The following FHIP1A variants were observed in gnomAD, a reference collection of about 807,000 sequenced individuals.
The protein encoded by FHIP1A is FHF complex subunit HOOK-interacting protein 1A.
In FHIP1A, 61 loss-of-function variants were observed where a neutral mutation model predicts 88.6. The observed-to-expected ratio is 0.69, with a 90% CI of 0.56 to 0.85. The LOEUF (loss-of-function observed/expected upper bound fraction) is 0.85, where lower values mean the gene tolerates loss of function less well. Among genes scored for constraint, FHIP1A ranks in the 40% least tolerant of loss-of-function variants. The probability of loss-of-function intolerance (pLI) is 0.00; values close to 1 mark genes in which losing one functional copy is unlikely to be tolerated. For synonymous variants in FHIP1A, 478 were observed against 496.0 expected (o/e 0.96, Z 0.48); for missense variants, 1,154 against 1,273.5 (o/e 0.91, Z 1.43).
At chr4:151,481,985 A>T (rs146545142) in intron 2 of FHIP1A, among the ~76,000 whole-genome samples, 1 of 152,244 alleles carries the variant, frequency 6.6e-6, no homozygotes, top group East Asian at 1.9e-4. Flanking sequence ...GTTAGGCCTG[A>T]TGATAGGAGA....
chr4:151,442,205 AG>A (rs1254414592), intron 1 of FHIP1A, among the ~76,000 whole-genome samples: 2 of 152,254 alleles, frequency 1.3e-5, no homozygotes, highest in African/African-American at 4.8e-5. Context: ...TGATTGGTGC[AG>A]GGGAAGGCAG....
chr4:151,670,500 C>CTTA (rs1475198719), exon 14 of FHIP1A: 1 of 152,030 alleles, frequency 6.6e-6, no homozygotes, highest in East Asian at 1.9e-4. Flanking sequence ...TATTGGAAAA[C>CTTA]TTATTTTTTT....
At chr4:151,489,794 C>T (rs753879354) in intron 3 of FHIP1A, among the ~76,000 whole-genome samples, 5 of 152,110 alleles carry the variant, frequency 3.3e-5, no homozygotes, top group Non-Finnish European at 7.4e-5. Context: ...CCTCCATCCT[C>T]CTCAGTGGCC....
chr4:151,416,791 C>CT (rs1321178366), intron 1 of FHIP1A, among the ~76,000 whole-genome samples: 10 of 147,936 alleles, frequency 6.8e-5, no homozygotes, highest in East Asian at 2.0e-4. Flanking sequence ...ATGTATTATC[C>CT]TTTTTTTTTT....
At chr4:151,516,364 G>A (rs1731236315) in intron 3 of FHIP1A, among the ~76,000 whole-genome samples, 1 of 151,890 alleles carries the variant, frequency 6.6e-6, no homozygotes, top group South Asian at 2.1e-4. Flanking sequence ...GAAAACCTAG[G>A]CATTACCATT....
rs114496195 is a variant in FHIP1A, at chr4:151,622,972, G to A, written c.979-6730G>A. Among the ~76,000 whole-genome samples the A allele has an allele frequency of 4.0e-3, 605 of 152,240 alleles. 6 individuals are homozygous for A. The highest frequency in any genetic ancestry group is 0.014 in the African/African-American group (565 of 41,502). The stretch of plus-strand genomic sequence containing the variant: ...AATGAAGCTGTAGGGTACAAGTTAT[G>A]CACACATAGTATAGGAAAGGAGGCT... On this transcript the variant is annotated intron_variant, in intron 7 of 13. Coordinates refer to ENST00000435205, the MANE Select transcript of FHIP1A (RefSeq NM_001109977.3).
Position 151,656,651 on chromosome 4 carries a change from TA to T in FHIP1A, c.2731-107del. On this transcript the variant is annotated intron_variant, in intron 12 of 13. Transcript: ENST00000435205. The surrounding 1 kb of genome is among the most constrained non-coding windows in gnomAD (Gnocchi z 4.2). ...AGGCAGTTAAAAATGAACAAATGTC[TA>T]ACATCATAATAGTTCCCATAATGAG... 8.0e-7 allele frequency: 1 copy of T among 1,243,266 alleles called. No homozygotes were observed. Among genetic ancestry groups the T allele is most frequent in the Non-Finnish European group, 1.1e-6 (1 of 900,148 alleles). The allele number at this position is 1,243,266 out of a possible 1,614,324, so 77.0% of individuals were successfully genotyped here.
intron 5 of FHIP1A, among the ~76,000 whole-genome samples, chr4:151,580,373 C>G (rs932379771): frequency 6.6e-6 from 1 of 152,126 alleles, no homozygotes; most frequent in Admixed American, 6.6e-5. Flanking sequence ...ACAAGCGATG[C>G]TATGTACTTA....
intron 3 of FHIP1A, among the ~76,000 whole-genome samples, chr4:151,498,598 G>A (rs1258398432): frequency 6.6e-6 from 1 of 152,092 alleles, no homozygotes; most frequent in African/African-American, 2.4e-5. Context: ...GGCGGATCAC[G>A]AGGTCAGGAG....
At chr4:151,497,072 C>T (rs1022215636) in intron 3 of FHIP1A, among the ~76,000 whole-genome samples, 7 of 151,984 alleles carry the variant, frequency 4.6e-5, no homozygotes, top group Admixed American at 2.6e-4. Flanking sequence ...TTATGTTTAG[C>T]GGGAAAAAGG....
At chr4:151,655,526 A>G (rs1737197708) in intron 11 of FHIP1A, among the ~76,000 whole-genome samples, 1 of 152,178 alleles carries the variant, frequency 6.6e-6, no homozygotes, top group Admixed American at 6.5e-5. Flanking sequence ...GCCGAACTGT[A>G]TCTCCCAAAA....
chr4:151,417,738 T>G (rs1732949547), intron 1 of FHIP1A, among the ~76,000 whole-genome samples: 1 of 152,228 alleles, frequency 6.6e-6, no homozygotes, highest in South Asian at 2.1e-4. Flanking sequence ...GACCATGTAT[T>G]AGTCTTGATT....
chr4:151,551,819 A>G (rs530738246), intron 3 of FHIP1A, among the ~76,000 whole-genome samples: 1 of 152,178 alleles, frequency 6.6e-6, no homozygotes, highest in African/African-American at 2.4e-5. Flanking sequence ...GCAACAAAAG[A>G]CAAAATTGAC....
At chr4:151,419,167 C>T (rs1733016322) in intron 1 of FHIP1A, among the ~76,000 whole-genome samples, 1 of 152,200 alleles carries the variant, frequency 6.6e-6, no homozygotes, top group Non-Finnish European at 1.5e-5. Flanking sequence ...GTAAAGCAGA[C>T]TGCCCTCCCC....
At chr4:151,489,925 A>G (rs1456153676) in intron 3 of FHIP1A, among the ~76,000 whole-genome samples, 7 of 152,112 alleles carry the variant, frequency 4.6e-5, no homozygotes, top group Admixed American at 2.0e-4. Flanking sequence ...TGGAAGTTCT[A>G]TGGCCCCACC....
chr4:151,505,353 A>C (rs1443363151), intron 3 of FHIP1A, among the ~76,000 whole-genome samples: 1 of 152,194 alleles, frequency 6.6e-6, no homozygotes, highest in African/African-American at 2.4e-5. Flanking sequence ...ACAAAACTAC[A>C]TGAAATAAGA....
chr4:151,576,235 A>G (rs1469216503), intron 4 of FHIP1A, among the ~76,000 whole-genome samples: 7 of 152,192 alleles, frequency 4.6e-5, no homozygotes, highest in Admixed American at 1.3e-4. Flanking sequence ...GAGGTGACCT[A>G]TTTAGGGATT....
rs1445240690 is a variant in FHIP1A at position 151,577,669 on chromosome 4, G to C, written c.325G>C (p.Glu109Gln). 1 of 1,551,688 alleles carries C rather than the reference G, an allele frequency of 6.4e-7. No homozygotes were observed. The change falls in exon 5 of 14, where the codon GAG becomes CAG. Residue 109 changes from glutamate (E) to glutamine (Q), a missense_variant. Physicochemically the swap from Glu to Gln is conservative, Grantham distance 29 (BLOSUM62 2). Transcript: ENST00000435205. ...ACTTTTCCTTTGGAGCTTGAGAAGG[G>C]AGTTTACTGATGAGACTAAAATTGA... ...EKLFLWSLRR[E>Q]FTDETKIEQL...
intron 11 of FHIP1A, among the ~76,000 whole-genome samples, chr4:151,651,361 A>G (rs1737024452): frequency 6.6e-6 from 1 of 152,222 alleles, no homozygotes; most frequent in African/African-American, 2.4e-5. Flanking sequence ...TTTACAAATC[A>G]TGGTGCAGAG....
Sources: allele counts gnomAD v4.1 joint callset (sites outside exome capture counted in the v4.1 genomes callset), GRCh38; gene constraint gnomAD v4.1.1; non-coding constraint Gnocchi (gnomAD v3.1); transcripts MANE v1.5; gene names NCBI Gene and HGNC (gene_info 2026-07-23, HGNC 2026-07-21).